The following ATP6V0A1 variants were observed in gnomAD, a reference collection of about 807,000 sequenced individuals.
ATP6V0A1 encodes the protein ATPase H+ transporting V0 subunit a1.
A neutral mutation model predicts 105.4 loss-of-function variants in ATP6V0A1; 43 were observed. The observed-to-expected ratio is 0.41, with a 90% CI of 0.32 to 0.53. The LOEUF is 0.53. Ranked by LOEUF, ATP6V0A1 falls within the 20% of genes least tolerant of loss-of-function variation. The pLI is 0.30. For missense variants in ATP6V0A1, 676 were observed against 1,051.1 expected (o/e 0.64, Z 4.93); for synonymous variants, 362 against 372.8 (o/e 0.97, Z 0.33).
chr17:42,500,923 G>A lies in ATP6V0A1; in HGVS notation c.1896G>A (p.Gln632=). 3 of 1,609,764 alleles carry A rather than the reference G, an allele frequency of 1.9e-6. No homozygotes were observed. Among genetic ancestry groups the A allele is most frequent in the Non-Finnish European group, 2.6e-6 (3 of 1,176,048 alleles). The change falls in exon 16 of 22, where the codon CAG becomes CAA. Residue 632 remains glutamine (Q), a splice_region_variant and synonymous_variant. Coordinates refer to ENST00000343619, the MANE Select transcript of ATP6V0A1 (RefSeq NM_001130021.3). ...GTTATTCAATGTTGTATTCTGGACA[G>A]GTACGTCAGCCCAGAGGCAGACTGT... ...ESGYSMLYSG[Q]KGIQCFLVVV... is the part of the protein sequence containing the mutation.
rs551668269 is a variant in ATP6V0A1 at position 42,506,250 on chromosome 17, C to T, written c.2005-1270C>T. On this transcript the variant is annotated intron_variant, in intron 17 of 21. Coordinates refer to ENST00000343619, the MANE Select transcript of ATP6V0A1 (RefSeq NM_001130021.3). Reference sequence around the variant, plus strand: ...TTTTTAAAATACAGATTTATTGGGCCCCACCCCAGAACTACTAAATTTACA... The same window carrying T: ...TTTTTAAAATACAGATTTATTGGGCTCCACCCCAGAACTACTAAATTTACA... 2.0e-4 allele frequency among the ~76,000 whole-genome samples: 31 copies of T among 152,218 alleles called. No homozygotes were observed. The South Asian group carries it at 5.8e-3, about 29-fold the overall frequency.
intron 7 of ATP6V0A1, among the ~76,000 whole-genome samples, chr17:42,479,370 CT>C (rs1199324802): frequency 6.6e-6 from 1 of 152,224 alleles, no homozygotes; most frequent in African/African-American, 2.4e-5. Flanking sequence ...ATAGGATGAT[CT>C]TCCCCACCCA....
chr17:42,491,626 G>A (rs1157333033), intron 11 of ATP6V0A1, among the ~76,000 whole-genome samples: 1 of 152,186 alleles, frequency 6.6e-6, no homozygotes, highest in Non-Finnish European at 1.5e-5. Flanking sequence ...TGGGATTATA[G>A]GCATGTGCCA....
intron 2 of ATP6V0A1, among the ~76,000 whole-genome samples, chr17:42,462,666 C>T (rs944820672): frequency 3.9e-5 from 6 of 152,064 alleles, no homozygotes; most frequent in Non-Finnish European, 7.3e-5. Flanking sequence ...GTGATCCACC[C>T]GCCTCGGCCT....
At chr17:42,513,251 T>G (rs571896423) in intron 19 of ATP6V0A1, among the ~76,000 whole-genome samples, 110 of 152,240 alleles carry the variant, frequency 7.2e-4, no homozygotes, top group Non-Finnish European at 1.3e-3. Flanking sequence ...TCCCTGTGCA[T>G]GGTGGTGAAA....
intron 14 of ATP6V0A1, 112 bp downstream of exon 14, chr17:42,495,828 G>A (rs1013436807): frequency 1.6e-5 from 15 of 931,852 alleles, no homozygotes; most frequent in Non-Finnish European, 2.3e-5. Context: ...GGGCATGGTC[G>A]CTCATGCCTG....
Position 42,513,139 on chromosome 17 carries a change from G to A in ATP6V0A1, c.2131-722G>A, listed in dbSNP as rs112486216. Among the ~76,000 whole-genome samples the A allele has an allele frequency of 2.0e-4, 31 of 152,262 alleles. No homozygotes were observed. The South Asian group carries it at 5.8e-3, about 29-fold the overall frequency. On this transcript the variant is annotated intron_variant, in intron 19 of 21. Transcript: ENST00000343619. ...GGGACAAAGGGAGCTTGAGGAAAAC[G>A]AAAACAAACAAGAAACTGGAGATAT...
intron 19 of ATP6V0A1, 116 bp from the exon 20 acceptor site, chr17:42,513,745 G>T: frequency 1.1e-6 from 1 of 944,484 alleles, no homozygotes. Context: ...GCCATCCATG[G>T]GAAGTGCAGT....
At chr17:42,465,153 C>T (rs1245130266) in intron 2 of ATP6V0A1, among the ~76,000 whole-genome samples, 1 of 151,822 alleles carries the variant, frequency 6.6e-6, no homozygotes, top group Admixed American at 6.6e-5. Context: ...CCATCATGCC[C>T]GGCTAATTTT....
chr17:42,484,627 C>T (rs896866092), intron 9 of ATP6V0A1, among the ~76,000 whole-genome samples: 2 of 152,044 alleles, frequency 1.3e-5, no homozygotes, highest in Non-Finnish European at 2.9e-5. Context: ...ATGCACACCA[C>T]GGTTATCACA....
intron 19 of ATP6V0A1, among the ~76,000 whole-genome samples, chr17:42,511,694 C>T (rs527922503): frequency 5.3e-5 from 8 of 151,996 alleles, no homozygotes; most frequent in Non-Finnish European, 7.4e-5. Flanking sequence ...CTGGGCCAGG[C>T]GCGGGGGCTC....
At chr17:42,515,572 G>T (rs1182810132) in intron 21 of ATP6V0A1, among the ~76,000 whole-genome samples, 1 of 152,092 alleles carries the variant, frequency 6.6e-6, no homozygotes, top group Non-Finnish European at 1.5e-5. Flanking sequence ...GATCACCTGA[G>T]GTGGGGAGTT....
At chr17:42,483,828 C>CA (rs547847963) in intron 9 of ATP6V0A1, among the ~76,000 whole-genome samples, 1 of 151,922 alleles carries the variant, frequency 6.6e-6, no homozygotes, top group South Asian at 2.1e-4. Context: ...GTGATCCTCC[C>CA]ACCTTGGCCT....
chr17:42,483,034 C>A lies in ATP6V0A1; in HGVS notation c.717-4C>A. 6.8e-7 allele frequency: 1 copy of A among 1,468,504 alleles called. No individual in the cohort carries two copies. Among genetic ancestry groups the A allele is most frequent in the Non-Finnish European group, 9.1e-7 (1 of 1,102,984 alleles). The allele number at this position is 1,468,504 out of a possible 1,614,324, so 91.0% of individuals were successfully genotyped here. A position where few individuals can be genotyped will look rare whatever the true frequency, so the allele number is the denominator to read the frequency against. On this transcript the variant is annotated splice_region_variant and splice_polypyrimidine_tract_variant and intron_variant, in intron 8 of 21. Coordinates refer to ENST00000343619, the MANE Select transcript of ATP6V0A1 (RefSeq NM_001130021.3). ...TAAGAAACTTCGATGTTCTTATATT[C>A]CAGGTTCCGAGCCTCACTCTATCCC...
chr17:42,491,679 C>T (rs1426522492), intron 11 of ATP6V0A1, among the ~76,000 whole-genome samples: 2 of 152,012 alleles, frequency 1.3e-5, no homozygotes, highest in Non-Finnish European at 2.9e-5. Flanking sequence ...GACGGGGTTT[C>T]ACCATGTTGC....
intron 8 of ATP6V0A1, among the ~76,000 whole-genome samples, chr17:42,482,017 TTTTTAGTAGAGATGGGG>T (rs1567827502): frequency 1.3e-5 from 2 of 152,094 alleles, no homozygotes; most frequent in African/African-American, 2.4e-5. Flanking sequence ...AATTTTTGTA[TTTTTAGTAGAGATGGGG>T]TTTTGCCGTG....
At chr17:42,467,617 A>G (rs2087270426) in intron 3 of ATP6V0A1, among the ~76,000 whole-genome samples, 2 of 152,196 alleles carry the variant, frequency 1.3e-5, no homozygotes, top group Admixed American at 6.5e-5. Context: ...TAAGTGTCAA[A>G]TATTCTATTG....
Position 42,500,721 on chromosome 17 carries a change from C to T in ATP6V0A1, c.1694C>T (p.Pro565Leu). ...CTCCTTTTTAGCTATTTCAAGAAGC[C>T]CCTGAATATCTACTTTGGATTTATT... ...SLFNHIYFKK[P>L]LNIYFGFIPE... The change falls in exon 16 of 22, where the codon CCC becomes CTC. Residue 565 changes from proline to leucine, a missense_variant. Transcript: ENST00000343619. The T allele has an allele frequency of 6.2e-7, 1 of 1,613,078 alleles. No individual in the cohort carries two copies.
At chr17:42,513,757 C>T in intron 19 of ATP6V0A1, 104 bp from the exon 20 acceptor site, 2 of 1,088,548 alleles carry the variant, frequency 1.8e-6, no homozygotes, top group East Asian at 2.4e-5. Context: ...AAGTGCAGTC[C>T]CCTGCCCTGG....
Sources: gnomAD v4.1 joint callset for allele counts (sites outside exome capture counted in the v4.1 genomes callset) on GRCh38, gnomAD v4.1.1 for gene constraint, MANE v1.5 for transcripts, NCBI Gene and HGNC (gene_info 2026-07-23, HGNC 2026-07-21) for gene names.